Variants in NELL1 observed in about 807,000 individuals in gnomAD.
The protein encoded by NELL1 is neural EGFL like 1, also known as protein kinase C-binding protein NELL1.
NELL1 carries 76 observed loss-of-function variants against 107.4 expected under a neutral mutation model. The observed-to-expected ratio is 0.71, with a 90% CI of 0.59 to 0.86. The LOEUF (loss-of-function observed/expected upper bound fraction) is 0.86. Ranked by LOEUF, NELL1 falls within the 40% of genes least tolerant of loss-of-function variation. The pLI, the probability that NELL1 is intolerant of heterozygous loss-of-function variation, is 0.00. For missense variants in NELL1, 1,024 were observed against 1,005.5 expected, an observed-to-expected ratio of 1.02 and a Z score of -0.25; for synonymous variants, 353 against 341.2, an observed-to-expected ratio of 1.03 and a Z score of -0.38.
intron 9 of NELL1, among the ~76,000 whole-genome samples, chr11:20,934,596 T>A (rs1850684773): frequency 6.6e-6 from 1 of 152,076 alleles, no homozygotes; most frequent in South Asian, 2.1e-4. Flanking sequence ...ATTGTGGGAG[T>A]GGCAAGGGGC....
intron 14 of NELL1, among the ~76,000 whole-genome samples, chr11:21,337,776 CTT>C (rs1304094897): frequency 2.8e-5 from 4 of 140,856 alleles, no homozygotes; most frequent in Admixed American, 1.4e-4. Flanking sequence ...TTCTTTCTTT[CTT>C]TCTTTCTTTC....
chr11:21,108,271 C>A (rs1855017574), intron 12 of NELL1, among the ~76,000 whole-genome samples: 1 of 152,086 alleles, frequency 6.6e-6, no homozygotes, highest in Middle Eastern at 3.2e-3. Context: ...GCCCTGCCTT[C>A]TAATTTAATG....
At chr11:21,548,307 G>A (rs935635914) in intron 16 of NELL1, among the ~76,000 whole-genome samples, 1 of 151,820 alleles carries the variant, frequency 6.6e-6, no homozygotes, top group Non-Finnish European at 1.5e-5. Flanking sequence ...GAGAATCAAT[G>A]TATAGGTTGT....
At chr11:20,833,511 G>A (rs1858057601) in intron 3 of NELL1, among the ~76,000 whole-genome samples, 2 of 152,152 alleles carry the variant, frequency 1.3e-5, no homozygotes, top group South Asian at 2.1e-4. Context: ...GTCACTACAA[G>A]TATGCTAAGT....
chr11:21,135,587 A>T (rs1233663406), intron 13 of NELL1, among the ~76,000 whole-genome samples: 1 of 152,186 alleles, frequency 6.6e-6, no homozygotes, highest in Admixed American at 6.5e-5. Flanking sequence ...CTGTTTCCTT[A>T]TTTGAAAAAC....
intron 12 of NELL1, among the ~76,000 whole-genome samples, chr11:20,988,521 A>G (rs1437135804): frequency 6.6e-6 from 1 of 150,766 alleles, no homozygotes; most frequent in African/African-American, 2.4e-5. Flanking sequence ...ATACATATCT[A>G]TCTATATACA....
chr11:21,257,986 C>T (rs1036694418), intron 14 of NELL1, among the ~76,000 whole-genome samples: 3 of 152,132 alleles, frequency 2.0e-5, no homozygotes, highest in African/African-American at 7.2e-5. Flanking sequence ...AAGAGGGAGA[C>T]ACATTGGTGG....
chr11:21,209,248 C>G (rs1857449413), intron 13 of NELL1, among the ~76,000 whole-genome samples: 2 of 151,352 alleles, frequency 1.3e-5, no homozygotes, highest in Non-Finnish European at 2.9e-5. Context: ...ATTCTAGGAA[C>G]CATCTTGTTC....
intron 3 of NELL1, among the ~76,000 whole-genome samples, chr11:20,812,779 C>T (rs1053565682): frequency 1.1e-4 from 16 of 151,716 alleles, no homozygotes; most frequent in South Asian, 2.1e-4. Flanking sequence ...GAGGCCGAGG[C>T]GGGCGGATCA....
intron 15 of NELL1, among the ~76,000 whole-genome samples, chr11:21,440,124 G>A (rs138585844): frequency 1.3e-5 from 2 of 151,980 alleles, no homozygotes; most frequent in Non-Finnish European, 2.9e-5. Context: ...CCAGGATCAG[G>A]GTTCTGAATC....
rs571462866 is a variant in NELL1 at position 20,983,607 on chromosome 11, G to T, written c.1300+23047G>T. Among the ~76,000 whole-genome samples, 3 of 152,206 alleles carry T rather than the reference G, an allele frequency of 2.0e-5. No homozygotes were observed. In the South Asian group the frequency reaches 6.2e-4, roughly 32 times the overall value. ...CACCCTAAAGTCCAGTCGATTACCA[G>T]ACTCACTTGTTTTTATCTACTGAGT... On this transcript the variant is annotated intron_variant, in intron 12 of 19. Transcript: ENST00000357134.
intron 2 of NELL1, among the ~76,000 whole-genome samples, chr11:20,763,318 T>C (rs1856462733): frequency 6.6e-6 from 1 of 152,182 alleles, no homozygotes; most frequent in South Asian, 2.1e-4. Flanking sequence ...TGTCCTACCC[T>C]GGCACTCAGG....
intron 4 of NELL1, among the ~76,000 whole-genome samples, chr11:20,865,420 G>C (rs886586045): frequency 6.3e-4 from 96 of 152,194 alleles, no homozygotes; most frequent in African/African-American, 2.3e-3. Context: ...CGGGTGGGAT[G>C]CTGGAAAAGC....
intron 15 of NELL1, among the ~76,000 whole-genome samples, chr11:21,403,669 A>C (rs1163562799): frequency 6.6e-6 from 1 of 151,766 alleles, no homozygotes; most frequent in Non-Finnish European, 1.5e-5. Context: ...AAACAGCAGT[A>C]ATAGATAATT....
At chr11:21,277,451 G>A (rs2133942979) in intron 14 of NELL1, among the ~76,000 whole-genome samples, 1 of 151,338 alleles carries the variant, frequency 6.6e-6, no homozygotes, top group South Asian at 2.1e-4. Flanking sequence ...CCTGTTGGTG[G>A]GACTGTAAAC....
chr11:21,415,397 T>C (rs1266376280), intron 15 of NELL1, among the ~76,000 whole-genome samples: 1 of 152,030 alleles, frequency 6.6e-6, no homozygotes, highest in Non-Finnish European at 1.5e-5. Flanking sequence ...TTAAAAGGAT[T>C]GAATTTCTCA....
chr11:20,781,797 G>A (rs1456606527), intron 2 of NELL1, among the ~76,000 whole-genome samples: 1 of 151,252 alleles, frequency 6.6e-6, no homozygotes, highest in African/African-American at 2.4e-5. Flanking sequence ...GGAAGGCCAA[G>A]GTGGGTGGAT....
chr11:20,757,708 C>T (rs918159618), intron 2 of NELL1, among the ~76,000 whole-genome samples: 1 of 152,200 alleles, frequency 6.6e-6, no homozygotes, highest in Non-Finnish European at 1.5e-5. Context: ...CCTCTGAGAG[C>T]CATGTGATTG....
At chr11:21,120,666 T>C (rs1167336957) in intron 13 of NELL1, among the ~76,000 whole-genome samples, 2 of 152,156 alleles carry the variant, frequency 1.3e-5, no homozygotes, top group Admixed American at 1.3e-4. Flanking sequence ...TATTTTACTT[T>C]AGTAAAAATA....
Sources: gnomAD v4.1 joint callset for allele counts (sites outside exome capture counted in the v4.1 genomes callset) on GRCh38, gnomAD v4.1.1 for gene constraint, MANE v1.5 for transcripts, NCBI Gene and HGNC (gene_info 2026-07-23, HGNC 2026-07-21) for gene names.